The following ANKRD44 variants were observed in gnomAD, a reference collection of about 807,000 sequenced individuals.
ANKRD44 encodes the protein ankyrin repeat domain 44, also known as serine/threonine-protein phosphatase 6 regulatory ankyrin repeat subunit B.
Under a neutral mutation model 116.0 loss-of-function variants are expected in ANKRD44, and 35 were observed. The observed-to-expected ratio is 0.30, with a 90% CI of 0.23 to 0.40. The LOEUF is 0.40. Among genes scored for constraint, ANKRD44 ranks in the 10% least tolerant of loss-of-function variants. The pLI, the probability that ANKRD44 is intolerant of heterozygous loss-of-function variation, is 1.00. For missense variants in ANKRD44, 1,014 were observed against 1,242.6 expected (o/e 0.82, Z 2.77); for synonymous variants, 435 against 461.8 (o/e 0.94, Z 0.74).
At chr2:197,241,010 C>CA (rs1488075795) in intron 1 of ANKRD44, among the ~76,000 whole-genome samples, 1 of 151,844 alleles carries the variant, frequency 6.6e-6, no homozygotes, top group African/African-American at 2.4e-5. Context: ...TGGGGGTATG[C>CA]AAAATCTTGT....
At chr2:197,068,222 GA>G (rs1455736205) in intron 16 of ANKRD44, among the ~76,000 whole-genome samples, 1 of 96,344 alleles carries the variant, frequency 1.0e-5, no homozygotes, top group Non-Finnish European at 2.0e-5. Context: ...GGGGTCGGGG[GA>G]GGGGGGAGGG....
At chr2:197,148,872 T>C (rs978935602) in intron 2 of ANKRD44, among the ~76,000 whole-genome samples, 2 of 152,226 alleles carry the variant, frequency 1.3e-5, no homozygotes, top group African/African-American at 4.8e-5. Flanking sequence ...ATTGGAAAAT[T>C]CAGTACGATA....
At chr2:197,206,986 T>C (rs757416379) in intron 1 of ANKRD44, among the ~76,000 whole-genome samples, 8 of 152,224 alleles carry the variant, frequency 5.3e-5, no homozygotes, top group Non-Finnish European at 8.8e-5. Flanking sequence ...TACATTTTAA[T>C]TCATCATTCT....
intron 2 of ANKRD44, among the ~76,000 whole-genome samples, chr2:197,152,375 T>C (rs868173744): frequency 1.3e-5 from 2 of 152,156 alleles, no homozygotes; most frequent in African/African-American, 4.8e-5. Flanking sequence ...TGTCCAAACA[T>C]CACAAAAAGG....
intron 1 of ANKRD44, among the ~76,000 whole-genome samples, chr2:197,306,296 T>C (rs1163058536): frequency 6.6e-6 from 1 of 152,202 alleles, no homozygotes; most frequent in African/African-American, 2.4e-5. Flanking sequence ...GGTAGGACAG[T>C]GTGCTAGATC....
intron 1 of ANKRD44, among the ~76,000 whole-genome samples, chr2:197,235,972 A>G (rs1032597825): frequency 6.6e-6 from 1 of 152,176 alleles, no homozygotes; most frequent in Non-Finnish European, 1.5e-5. Flanking sequence ...ATAGTCATAA[A>G]ACAGTAAATT....
At chr2:197,232,143 C>T (rs1466025585) in intron 1 of ANKRD44, among the ~76,000 whole-genome samples, 1 of 152,178 alleles carries the variant, frequency 6.6e-6, no homozygotes, top group Non-Finnish European at 1.5e-5. Context: ...CAAAGGAGCA[C>T]ATGACCTAAG....
At chr2:197,102,895 G>T (rs1354631642) in intron 9 of ANKRD44, among the ~76,000 whole-genome samples, 3 of 152,032 alleles carry the variant, frequency 2.0e-5, no homozygotes, top group African/African-American at 7.2e-5. Context: ...TTTCTCCCAG[G>T]TTTTGTTTTT....
At chr2:197,064,077 A>G (rs1334814712) in intron 16 of ANKRD44, among the ~76,000 whole-genome samples, 1 of 152,264 alleles carries the variant, frequency 6.6e-6, no homozygotes, top group African/African-American at 2.4e-5. Flanking sequence ...CTCAAAGGGA[A>G]GCCCATCAGA....
chr2:197,285,492 C>G (rs1317761364), intron 1 of ANKRD44, among the ~76,000 whole-genome samples: 19 of 152,144 alleles, frequency 1.2e-4, no homozygotes, highest in Admixed American at 1.2e-3. Flanking sequence ...GACGCTGAAG[C>G]CTTAATGCTT....
At position 197,010,159 on chromosome 2, in the gene ANKRD44, T is replaced by C. The variant is rs2076271769; in HGVS notation, c.1925-1128A>G. Among the ~76,000 whole-genome samples the C allele has an allele frequency of 2.6e-5, 4 of 152,178 alleles. No individual in the cohort carries two copies. In the South Asian group the frequency reaches 6.2e-4, roughly 24 times the overall value. ...GGGCCGCCTCTTCTCCCAGGTCGTT[T>C]TACATTCTGAGGTAGATATTCAGAA... On this transcript the variant is annotated intron_variant, in intron 18 of 27. Coordinates refer to ENST00000282272, the MANE Select transcript of ANKRD44 (RefSeq NM_001195144.2).
chr2:196,979,553 A>ATTTTTTTTTTTTTTTTTTTT (rs1202023600), intron 21 of ANKRD44, among the ~76,000 whole-genome samples: 1 of 90,066 alleles, frequency 1.1e-5, no homozygotes, highest in Non-Finnish European at 2.1e-5. Flanking sequence ...TAATAAGATG[A>ATTTTTTTTTTTTTTTTTTTT]CTTTTTTTTT....
intron 16 of ANKRD44, among the ~76,000 whole-genome samples, chr2:197,077,456 T>C (rs2077694842): frequency 6.6e-6 from 1 of 152,192 alleles, no homozygotes; most frequent in South Asian, 2.1e-4. Flanking sequence ...AAGGCCTGAT[T>C]TGTGGTTCCA....
chr2:196,969,321 A>T (rs1024203477), intron 21 of ANKRD44, among the ~76,000 whole-genome samples: 5 of 152,048 alleles, frequency 3.3e-5, no homozygotes, highest in African/African-American at 9.6e-5. Context: ...ACTCTTTCCC[A>T]CCCTGGTGGC....
chr2:197,028,726 A>G (rs780470171), intron 16 of ANKRD44: 3 of 173,228 alleles, frequency 1.7e-5, no homozygotes, highest in African/African-American at 2.4e-5. Flanking sequence ...CAGCAGGATT[A>G]TTTTCCTCTG....
intron 24 of ANKRD44, among the ~76,000 whole-genome samples, 186 bp from the exon 25 acceptor site, chr2:196,998,605 G>C (rs1399626338): frequency 6.6e-6 from 1 of 152,076 alleles, no homozygotes; most frequent in Non-Finnish European, 1.5e-5. Flanking sequence ...AAGGTTAATA[G>C]GCACTAATTT....
intron 16 of ANKRD44, among the ~76,000 whole-genome samples, chr2:197,033,429 T>C (rs1478594160): frequency 1.3e-5 from 2 of 152,204 alleles, no homozygotes; most frequent in Admixed American, 1.3e-4. Context: ...AGCACTCTCC[T>C]AGGGGCCTTA....
At chr2:196,990,515 G>C in intron 27 of ANKRD44, 1 of 1,227,644 alleles carries the variant, frequency 8.1e-7, no homozygotes, top group Non-Finnish European at 1.0e-6. Flanking sequence ...CTGTGTGACT[G>C]TTCCACCCAA....
chr2:197,269,514 T>A (rs545004717), intron 1 of ANKRD44, among the ~76,000 whole-genome samples: 1 of 152,158 alleles, frequency 6.6e-6, no homozygotes, highest in East Asian at 1.9e-4. Context: ...AAGCGCATGC[T>A]GGAGTTAGAA....
Sources: allele counts gnomAD v4.1 joint callset (sites outside exome capture counted in the v4.1 genomes callset), GRCh38; gene constraint gnomAD v4.1.1; transcripts MANE v1.5; gene names NCBI Gene and HGNC (gene_info 2026-07-23, HGNC 2026-07-21).